ANO2: variants seen among roughly 807,000 people sequenced by gnomAD.
ANO2 encodes anoctamin 2.
Under a neutral mutation model 124.2 loss-of-function variants are expected in ANO2, and 101 were observed. That is an observed-to-expected ratio of 0.81 (90% CI 0.69 to 0.96). The LOEUF is 0.96. Ranked by LOEUF, ANO2 falls within the 40% of genes least tolerant of loss-of-function variation. The pLI is 0.00. For synonymous variants in ANO2, 486 were observed against 482.5 expected (o/e 1.01, Z -0.09); for missense variants, 1,293 against 1,274.5 (o/e 1.01, Z -0.22).
chr12:5,692,764 T>C (rs574355993), intron 14 of ANO2, among the ~76,000 whole-genome samples: 1 of 152,280 alleles, frequency 6.6e-6, no homozygotes, highest in South Asian at 2.1e-4. Flanking sequence ...AGCTGTCCCC[T>C]GCGCCCCGTA....
intron 4 of ANO2, among the ~76,000 whole-genome samples, chr12:5,846,189 T>A (rs1466672705): frequency 6.6e-6 from 1 of 152,186 alleles, no homozygotes; most frequent in African/African-American, 2.4e-5. Context: ...GGAAAATAAT[T>A]CTTGAGTGGA....
At chr12:5,694,978 C>A (rs4930745) in intron 14 of ANO2, among the ~76,000 whole-genome samples, 17,575 of 152,038 alleles carry the variant, frequency 0.12, 1,130 homozygotes, top group Middle Eastern at 0.21. Context: ...AGTGAGTTGG[C>A]ACTTGTAAAA....
At chr12:5,675,592 C>G (rs1475155026) in intron 14 of ANO2, among the ~76,000 whole-genome samples, 1 of 152,176 alleles carries the variant, frequency 6.6e-6, no homozygotes, top group Non-Finnish European at 1.5e-5. Context: ...GCTGAGGAGC[C>G]ACACTTGTCC....
intron 10 of ANO2, among the ~76,000 whole-genome samples, chr12:5,757,895 T>A (rs1951626093): frequency 6.6e-6 from 1 of 152,202 alleles, no homozygotes; most frequent in South Asian, 2.1e-4. Context: ...TAAGTTAGCA[T>A]GACAGAGTGT....
At position 5,719,875 on chromosome 12, in the gene ANO2, C is replaced by T. The variant is rs545980216; in HGVS notation, c.1545+12645G>A. 7.9e-5 allele frequency among the ~76,000 whole-genome samples: 12 copies of T among 152,268 alleles called. No homozygotes were observed. In the South Asian group the frequency reaches 2.3e-3, roughly 29 times the overall value. On this transcript the variant is annotated intron_variant, in intron 14 of 24. Coordinates refer to ENST00000682330, the MANE Select transcript of ANO2 (RefSeq NM_001364791.2). ...TGGTAACCTGATTGACCAAGCACCC[C>T]TTCTGGGCTGCCTTCCCTTGTCTCT...
At chr12:5,619,173 T>G (rs1944983037) in intron 16 of ANO2, among the ~76,000 whole-genome samples, 2 of 152,082 alleles carry the variant, frequency 1.3e-5, no homozygotes, top group Non-Finnish European at 1.5e-5. Context: ...AGACCACCAA[T>G]GTAGGGGTCT....
intron 3 of ANO2, among the ~76,000 whole-genome samples, chr12:5,919,368 G>A (rs114522003): frequency 0.076 from 10,931 of 143,874 alleles, 1,111 homozygotes; most frequent in African/African-American, 0.24. Flanking sequence ...AAAGACCTGA[G>A]GTCAAGGTGC....
At chr12:5,913,127 G>A (rs1018467095) in intron 3 of ANO2, among the ~76,000 whole-genome samples, 26 of 152,182 alleles carry the variant, frequency 1.7e-4, no homozygotes, top group African/African-American at 6.3e-4. Flanking sequence ...GCAACGGGCA[G>A]GAAGGCCTCC....
intron 7 of ANO2, 29 bp from the exon 8 acceptor site, chr12:5,807,397 A>C: frequency 6.5e-7 from 1 of 1,544,080 alleles, no homozygotes; most frequent in Non-Finnish European, 8.8e-7. Flanking sequence ...TGAAAATAGT[A>C]ACTCTGGGGC....
chr12:5,788,672 C>T (rs1200056333), intron 10 of ANO2, among the ~76,000 whole-genome samples: 1 of 152,212 alleles, frequency 6.6e-6, no homozygotes, highest in Non-Finnish European at 1.5e-5. Flanking sequence ...AACTCTCTTG[C>T]CTCAGCTTCC....
intron 3 of ANO2, among the ~76,000 whole-genome samples, chr12:5,898,438 T>C (rs773508846): frequency 2.6e-5 from 4 of 152,166 alleles, no homozygotes; most frequent in Non-Finnish European, 4.4e-5. Flanking sequence ...TGTAAAAGAA[T>C]AGTCATAGCA....
chr12:5,592,041 A>G (rs950230245), intron 20 of ANO2, among the ~76,000 whole-genome samples: 3 of 152,210 alleles, frequency 2.0e-5, no homozygotes, highest in African/African-American at 7.2e-5. Flanking sequence ...AGAAACTCTG[A>G]TAATAAACAT....
At chr12:5,667,262 C>A (rs576343694) in intron 14 of ANO2, among the ~76,000 whole-genome samples, 1 of 152,224 alleles carries the variant, frequency 6.6e-6, no homozygotes, top group East Asian at 1.9e-4. Context: ...CTTGAATTTG[C>A]AATTGCTGTC....
Position 5,882,573 on chromosome 12 carries a change from G to A in ANO2, c.535-28432C>T, listed in dbSNP as rs565452502. Among the ~76,000 whole-genome samples the A allele has an allele frequency of 9.2e-5, 14 of 152,304 alleles. No individual in the cohort carries two copies. The South Asian group carries it at 2.7e-3, about 29-fold the overall frequency. On this transcript the variant is annotated intron_variant, in intron 3 of 24. Transcript: ENST00000682330. The stretch of plus-strand genomic sequence containing the variant: ...TTCATAGCTTGGTCAGACATCAGAG[G>A]GACAACTGGCCAAAGGACTGGGGTC...
At position 5,935,313 on chromosome 12, in the gene ANO2, A is replaced by C. The variant is rs115559413; in HGVS notation, c.22+9883T>G. On this transcript the variant is annotated intron_variant, in intron 1 of 24. Coordinates refer to ENST00000682330, the MANE Select transcript of ANO2 (RefSeq NM_001364791.2). ...GAGAAAAGGAGGTTCAATAGCAAAC[A>C]TCCACCACAATGGTAACACCATGTG... is the stretch of plus-strand genomic sequence containing the variant. Among the ~76,000 whole-genome samples the C allele has an allele frequency of 7.0e-3, 1,066 of 152,286 alleles. 11 individuals carry two copies. The highest frequency in any genetic ancestry group is 0.024 in the African/African-American group (985 of 41,550).
At chr12:5,888,017 T>C (rs1939073201) in intron 3 of ANO2, among the ~76,000 whole-genome samples, 1 of 152,178 alleles carries the variant, frequency 6.6e-6, no homozygotes, top group African/African-American at 2.4e-5. Flanking sequence ...TGGTGGGTTC[T>C]TGGTCTCACT....
chr12:5,687,446 C>G (rs572394376), intron 14 of ANO2, among the ~76,000 whole-genome samples: 2 of 152,346 alleles, frequency 1.3e-5, no homozygotes, highest in Non-Finnish European at 2.9e-5. Context: ...CCTGGATATA[C>G]TTCCAACGAA....
At chr12:5,855,863 C>T (rs73255175) in intron 3 of ANO2, among the ~76,000 whole-genome samples, 1 of 152,324 alleles carries the variant, frequency 6.6e-6, no homozygotes, top group African/African-American at 2.4e-5. Context: ...TGTAACACAA[C>T]ACAAAGACAT....
At chr12:5,785,801 C>G (rs1952523660) in intron 10 of ANO2, among the ~76,000 whole-genome samples, 1 of 152,166 alleles carries the variant, frequency 6.6e-6, no homozygotes, top group Non-Finnish European at 1.5e-5. Context: ...AGTATCCTGG[C>G]CTTCATGCCA....
Sources: gnomAD v4.1 joint callset for allele counts (sites outside exome capture counted in the v4.1 genomes callset) on GRCh38, gnomAD v4.1.1 for gene constraint, MANE v1.5 for transcripts, NCBI Gene and HGNC (gene_info 2026-07-23, HGNC 2026-07-21) for gene names.